Variants in ZNF536 observed in about 807,000 individuals in gnomAD.
ZNF536 encodes zinc finger protein 536.
In ZNF536, 13 loss-of-function variants were observed where a neutral mutation model predicts 84.5. The ratio of observed to expected loss-of-function variants is 0.15; its 90% CI spans 0.10 to 0.24. The LOEUF (loss-of-function observed/expected upper bound fraction) is 0.24, where lower values mean the gene tolerates loss of function less well. Ranked by LOEUF, ZNF536 falls within the 10% of genes least tolerant of loss-of-function variation. The probability of loss-of-function intolerance (pLI) is 1.00; values close to 1 mark genes in which losing one functional copy is unlikely to be tolerated. For synonymous variants in ZNF536, 811 were observed against 742.5 expected (o/e 1.09, Z -1.50); for missense variants, 1,536 against 1,747.5 (o/e 0.88, Z 2.16).
chr19:30,476,000 C>T (rs563196660), intron 2 of ZNF536, among the ~76,000 whole-genome samples: 5 of 152,262 alleles, frequency 3.3e-5, no homozygotes, highest in South Asian at 2.1e-4. Context: ...CCCATGAAGA[C>T]GGCAACGGAG....
At chr19:30,424,621 C>CA (rs142009649) in intron 1 of ZNF536, among the ~76,000 whole-genome samples, 2,806 of 148,962 alleles carry the variant, frequency 0.019, 108 homozygotes, top group African/African-American at 0.065. Context: ...AGGATGGATG[C>CA]AAAAAAAAAT....
At chr19:30,379,123 T>G (rs2048924431) in intron 1 of ZNF536, among the ~76,000 whole-genome samples, 2 of 152,190 alleles carry the variant, frequency 1.3e-5, no homozygotes, top group African/African-American at 4.8e-5. Context: ...TGGTTATTAT[T>G]TTTATGTCCC....
intron 1 of ZNF536, among the ~76,000 whole-genome samples, chr19:30,256,492 G>T (rs569020402): frequency 1.1e-4 from 16 of 152,286 alleles, no homozygotes; most frequent in Non-Finnish European, 1.9e-4. Context: ...CATTTTCCAT[G>T]AGTAATTATC....
intron 1 of ZNF536, among the ~76,000 whole-genome samples, chr19:30,658,448 C>A (rs1031690070): frequency 6.6e-6 from 1 of 152,120 alleles, no homozygotes; most frequent in Admixed American, 6.5e-5. Flanking sequence ...TCTCTCCGAT[C>A]TTTAAATCGG....
chr19:30,563,308 GA>G (rs2046237844), intron 1 of ZNF536, among the ~76,000 whole-genome samples: 1 of 152,136 alleles, frequency 6.6e-6, no homozygotes, highest in Non-Finnish European at 1.5e-5. Context: ...GTCTGTTGGG[GA>G]ACCTATATGA....
intron 2 of ZNF536, among the ~76,000 whole-genome samples, chr19:30,472,828 G>T (rs895339069): frequency 6.6e-6 from 1 of 152,104 alleles, no homozygotes; most frequent in Admixed American, 6.6e-5. Context: ...GTCCAATGCT[G>T]CAAGGAAGTG....
chr19:30,484,646 A>AAGT (rs1390721457), intron 2 of ZNF536, among the ~76,000 whole-genome samples: 1 of 149,762 alleles, frequency 6.7e-6, no homozygotes, highest in Non-Finnish European at 1.5e-5. Flanking sequence ...TTCTTTGAGC[A>AAGT]AGTAGCGCAC....
rs1415172524 is a variant in ZNF536 at position 30,443,660 on chromosome 19, G to A, written c.98G>A (p.Ser33Asn). 1.2e-6 allele frequency: 2 copies of A among 1,613,750 alleles called. No individual in the cohort carries two copies. Among genetic ancestry groups the A allele is most frequent in the South Asian group, 1.1e-5 (1 of 91,016 alleles). Residue 33 changes from serine (S) to asparagine (N), a missense_variant, in exon 2 of 5, where the codon AGT becomes AAT. By Grantham distance (46) the Ser-to-Asn change is conservative (BLOSUM62 1). Coordinates refer to ENST00000355537, the MANE Select transcript of ZNF536 (RefSeq NM_014717.3). ...GTCCTCAACGGCCAGTATGCCATGA[G>A]TCAGAAGCTGCACCAGATCACCTCC... ...GPVLNGQYAMSQKLHQITSQL... is the reference protein window; with the variant it reads ...GPVLNGQYAMNQKLHQITSQL...
At chr19:30,491,792 G>T (rs1044590632) in intron 2 of ZNF536, among the ~76,000 whole-genome samples, 3 of 151,880 alleles carry the variant, frequency 2.0e-5, no homozygotes, top group African/African-American at 7.3e-5. Flanking sequence ...CTCCTCTGTG[G>T]GTCCCTTGGG....
chr19:30,638,894 C>A (rs140917858), intron 1 of ZNF536, among the ~76,000 whole-genome samples: 314 of 152,328 alleles, frequency 2.1e-3, no homozygotes, highest in African/African-American at 7.2e-3. Flanking sequence ...CTGTCTAGCT[C>A]TGAATTTCAG....
At chr19:30,232,102 C>T (rs1034197165) in intron 1 of ZNF536, among the ~76,000 whole-genome samples, 2 of 151,932 alleles carry the variant, frequency 1.3e-5, no homozygotes, top group Admixed American at 6.5e-5. Flanking sequence ...TGGAAGCCCC[C>T]TCAGGAAGGT....
At chr19:30,395,927 A>G (rs2049796799) in intron 1 of ZNF536, among the ~76,000 whole-genome samples, 2 of 152,208 alleles carry the variant, frequency 1.3e-5, no homozygotes, top group Admixed American at 6.5e-5. Flanking sequence ...CGCTATTAAC[A>G]TCCCCCACTA....
chr19:30,329,731 G>T (rs1345164153), intron 2 of ZNF536, among the ~76,000 whole-genome samples: 3 of 152,116 alleles, frequency 2.0e-5, no homozygotes, highest in African/African-American at 7.2e-5. Context: ...TGTTCTTAAG[G>T]TCATGTCAAT....
intron 1 of ZNF536, among the ~76,000 whole-genome samples, chr19:30,231,643 A>G (rs535473752): frequency 6.6e-6 from 1 of 152,074 alleles, no homozygotes; most frequent in East Asian, 1.9e-4. Flanking sequence ...TGCCAAGGAG[A>G]GGGATTGGTT....
At chr19:30,263,697 A>G (rs1433591725) in intron 1 of ZNF536, among the ~76,000 whole-genome samples, 1 of 152,304 alleles carries the variant, frequency 6.6e-6, no homozygotes, top group Admixed American at 6.5e-5. Flanking sequence ...TGCAAGAAGA[A>G]GTTAAGTTGT....
At chr19:30,654,048 C>T (rs2049810302) in intron 1 of ZNF536, among the ~76,000 whole-genome samples, 1 of 152,174 alleles carries the variant, frequency 6.6e-6, no homozygotes, top group Non-Finnish European at 1.5e-5. Flanking sequence ...CACAAGCAAG[C>T]CACTAGAGAG....
chr19:30,489,882 C>T (rs534023625), intron 2 of ZNF536, among the ~76,000 whole-genome samples: 7 of 152,298 alleles, frequency 4.6e-5, no homozygotes, highest in African/African-American at 1.4e-4. Context: ...GCTGAAAAGG[C>T]TGAAGAAGTA....
chr19:30,504,514 C>T (rs1360114101), intron 2 of ZNF536, among the ~76,000 whole-genome samples: 2 of 126,282 alleles, frequency 1.6e-5, no homozygotes, highest in African/African-American at 5.9e-5. Flanking sequence ...CTCCCTTCCT[C>T]CCTCCTCCTG....
intron 1 of ZNF536, among the ~76,000 whole-genome samples, chr19:30,244,547 AT>A (rs1315811985): frequency 6.6e-6 from 1 of 152,168 alleles, no homozygotes; most frequent in Non-Finnish European, 1.5e-5. Context: ...ACTCATGTGC[AT>A]TTTCTCTACT....
Sources: gnomAD v4.1 joint callset for allele counts (sites outside exome capture counted in the v4.1 genomes callset) on GRCh38, gnomAD v4.1.1 for gene constraint, MANE v1.5 for transcripts, NCBI Gene and HGNC (gene_info 2026-07-23, HGNC 2026-07-21) for gene names.